Variants in PRKG1 observed in about 807,000 individuals in gnomAD.
PRKG1 encodes protein kinase cGMP-dependent 1.
PRKG1 carries 35 observed loss-of-function variants against 88.1 expected under a neutral mutation model. That is an observed-to-expected ratio of 0.40 (90% CI 0.30 to 0.53). The LOEUF (loss-of-function observed/expected upper bound fraction) is 0.53, where lower values mean the gene tolerates loss of function less well. PRKG1 is among the 20% of genes least tolerant of loss of function. The pLI is 0.59. For missense variants in PRKG1, 540 were observed against 839.8 expected, an observed-to-expected ratio of 0.64 and a Z score of 4.41; for synonymous variants, 303 against 292.5, an observed-to-expected ratio of 1.04 and a Z score of -0.37.
At chr10:51,987,255 G>A (rs1169713168) in intron 5 of PRKG1, among the ~76,000 whole-genome samples, 2 of 151,838 alleles carry the variant, frequency 1.3e-5, no homozygotes, top group African/African-American at 2.4e-5. Context: ...TATGTTCAAT[G>A]ATGTATGTAC....
chr10:51,653,640 C>T (rs1840093872), intron 3 of PRKG1, among the ~76,000 whole-genome samples: 1 of 152,004 alleles, frequency 6.6e-6, no homozygotes, highest in Non-Finnish European at 1.5e-5. Context: ...GATCTCAGCT[C>T]ACTGCAATCT....
intron 7 of PRKG1, among the ~76,000 whole-genome samples, chr10:52,120,338 A>G (rs1002973391): frequency 3.3e-5 from 5 of 152,116 alleles, no homozygotes; most frequent in Non-Finnish European, 5.9e-5. Flanking sequence ...CACATTCAAC[A>G]TACATCCATT....
chr10:51,754,322 T>G (rs1837802846), intron 3 of PRKG1, among the ~76,000 whole-genome samples: 1 of 152,220 alleles, frequency 6.6e-6, no homozygotes, highest in African/African-American at 2.4e-5. Flanking sequence ...TTGATAATTC[T>G]CTGGCAATAC....
chr10:51,100,675 C>G (rs772142770), intron 1 of PRKG1, among the ~76,000 whole-genome samples: 31 of 152,082 alleles, frequency 2.0e-4, no homozygotes, highest in Non-Finnish European at 4.4e-4. Flanking sequence ...AGGTAAGAAG[C>G]CTTTCAAACC....
chr10:51,990,574 T>C (rs1844279095), intron 5 of PRKG1, among the ~76,000 whole-genome samples: 1 of 152,144 alleles, frequency 6.6e-6, no homozygotes, highest in Admixed American at 6.5e-5. Context: ...TTTTTATAAC[T>C]TTTATTTTAA....
At chr10:52,151,704 T>G (rs76417547) in intron 8 of PRKG1, among the ~76,000 whole-genome samples, 1 of 152,180 alleles carries the variant, frequency 6.6e-6, no homozygotes, top group Non-Finnish European at 1.5e-5. Flanking sequence ...AGTTGAGAGA[T>G]ATTTATTTTT....
chr10:52,125,523 A>G (rs1847911590), intron 7 of PRKG1, among the ~76,000 whole-genome samples: 1 of 152,168 alleles, frequency 6.6e-6, no homozygotes, highest in Admixed American at 6.5e-5. Flanking sequence ...ATATATCCCA[A>G]GACCTCCAGT....
At chr10:51,304,850 A>G in intron 2 of PRKG1, among the ~76,000 whole-genome samples, 1 of 152,112 alleles carries the variant, frequency 6.6e-6, no homozygotes, top group African/African-American at 2.4e-5. Context: ...TCCATGGTGT[A>G]TATGTGCCAC....
intron 7 of PRKG1, among the ~76,000 whole-genome samples, chr10:52,090,604 G>T (rs538567678): frequency 6.6e-6 from 1 of 152,228 alleles, no homozygotes; most frequent in African/African-American, 2.4e-5. Flanking sequence ...AAACTTTAAG[G>T]TGAAAGGGGA....
intron 3 of PRKG1, among the ~76,000 whole-genome samples, chr10:51,661,170 G>A (rs1840289487): frequency 1.3e-5 from 2 of 151,974 alleles, no homozygotes; most frequent in Admixed American, 1.3e-4. Context: ...ATGCTATCTG[G>A]AACATAATTG....
chr10:51,397,419 C>T (rs1212259367), intron 2 of PRKG1, among the ~76,000 whole-genome samples: 1 of 152,018 alleles, frequency 6.6e-6, no homozygotes, highest in African/African-American at 2.4e-5. Context: ...AATTTTTAAC[C>T]TTTTACAGGT....
intron 2 of PRKG1, among the ~76,000 whole-genome samples, chr10:51,445,017 C>G (rs749583708): frequency 3.9e-5 from 6 of 152,022 alleles, no homozygotes; most frequent in Non-Finnish European, 8.8e-5. Context: ...TGCTGTTCAG[C>G]AGAGCTTTCT....
intron 9 of PRKG1, among the ~76,000 whole-genome samples, chr10:52,182,864 A>T (rs1435873989): frequency 1.3e-5 from 2 of 152,126 alleles, no homozygotes; most frequent in African/African-American, 4.8e-5. Flanking sequence ...GAAGTCAGGT[A>T]GTGTGATTTG....
chr10:51,077,847 A>C (rs1053600249), intron 1 of PRKG1, among the ~76,000 whole-genome samples: 1 of 151,514 alleles, frequency 6.6e-6, no homozygotes, highest in South Asian at 2.1e-4. Context: ...AAACTACTAA[A>C]CTATATTTGG....
At chr10:51,492,836 T>A (rs972704093) in intron 3 of PRKG1, among the ~76,000 whole-genome samples, 1 of 152,122 alleles carries the variant, frequency 6.6e-6, no homozygotes, top group Non-Finnish European at 1.5e-5. Context: ...TGAATAAAAA[T>A]TTGAATAAAC....
chr10:51,127,411 C>G (rs574930498), intron 1 of PRKG1, among the ~76,000 whole-genome samples: 2 of 152,212 alleles, frequency 1.3e-5, no homozygotes, highest in South Asian at 4.1e-4. Flanking sequence ...TAATGAGATA[C>G]CATCTCACAC....
At chr10:51,171,482 C>T (rs377412855) in intron 2 of PRKG1, among the ~76,000 whole-genome samples, 20 of 152,066 alleles carry the variant, frequency 1.3e-4, no homozygotes, top group African/African-American at 4.8e-4. Flanking sequence ...TGTCACTCAG[C>T]TGTTGTCTTT....
chr10:51,239,884 G>A (rs1185619740), intron 2 of PRKG1, among the ~76,000 whole-genome samples: 5 of 152,096 alleles, frequency 3.3e-5, no homozygotes, highest in Admixed American at 3.3e-4. Context: ...ACCTTTATAG[G>A]GCCAATATGG....
chr10:51,043,003 A>G (rs1336127831), intron 1 of PRKG1, among the ~76,000 whole-genome samples: 1 of 152,152 alleles, frequency 6.6e-6, no homozygotes, highest in East Asian at 1.9e-4. Context: ...GAGCCTCCAG[A>G]ACTGTGAGAA....
Sources: allele counts gnomAD v4.1 joint callset (sites outside exome capture counted in the v4.1 genomes callset), GRCh38; gene constraint gnomAD v4.1.1; transcripts MANE v1.5; gene names NCBI Gene and HGNC (gene_info 2026-07-23, HGNC 2026-07-21).